STIM2: variants seen among roughly 807,000 people sequenced by gnomAD.
The protein encoded by STIM2 is stromal interaction molecule 2.
Under a neutral mutation model 85.8 loss-of-function variants are expected in STIM2, and 31 were observed. The ratio of observed to expected loss-of-function variants is 0.36; its 90% CI spans 0.27 to 0.49. STIM2 has a LOEUF of 0.49. Ranked by LOEUF, STIM2 falls within the 20% of genes least tolerant of loss-of-function variation. The pLI, the probability that STIM2 is intolerant of heterozygous loss-of-function variation, is 0.98. For synonymous variants in STIM2, 356 were observed against 331.1 expected (o/e 1.08, Z -0.82); for missense variants, 841 against 927.6 (o/e 0.91, Z 1.21).
chr4:26,873,568 G>A (rs1412350683), intron 1 of STIM2: 6 of 433,908 alleles, frequency 1.4e-5, no homozygotes, highest in Admixed American at 1.4e-4. Context: ...AGCTCATGGG[G>A]AAGCACAGAC....
chr4:26,995,794 T>A (rs968506641), intron 4 of STIM2, among the ~76,000 whole-genome samples: 5 of 152,080 alleles, frequency 3.3e-5, no homozygotes, highest in African/African-American at 9.7e-5. Flanking sequence ...TAAGAAAAAC[T>A]TTTTTATTTG....
Position 27,004,540 on chromosome 4 carries a change from T to C in STIM2, c.981+1436T>C, listed in dbSNP as rs76997038. Among the ~76,000 whole-genome samples, 784 of 152,232 alleles carry C rather than the reference T, an allele frequency of 5.2e-3. 8 individuals carry two copies. The highest frequency in any genetic ancestry group is 0.018 in the African/African-American group (761 of 41,544). On this transcript the variant is annotated intron_variant, in intron 7 of 11. Coordinates refer to ENST00000467087, the MANE Select transcript of STIM2 (RefSeq NM_020860.4). Reference sequence around the variant, plus strand: ...AAAGAGCGAATCAGAAAACAGTAGTTTGGAATTCTTCTACAGAGATATAAA... The same window carrying C: ...AAAGAGCGAATCAGAAAACAGTAGTCTGGAATTCTTCTACAGAGATATAAA...
intron 1 of STIM2, among the ~76,000 whole-genome samples, chr4:26,918,020 C>G (rs1037877580): frequency 2.0e-5 from 3 of 152,056 alleles, no homozygotes; most frequent in African/African-American, 4.8e-5. Flanking sequence ...GACTGGCGTT[C>G]CAAATATTTG....
chr4:26,942,145 A>G (rs1577452492), intron 2 of STIM2, among the ~76,000 whole-genome samples: 1 of 152,262 alleles, frequency 6.6e-6, no homozygotes, highest in South Asian at 2.1e-4. Flanking sequence ...TGTCTGTGTC[A>G]GATAACCACT....
intron 3 of STIM2, among the ~76,000 whole-genome samples, chr4:26,979,751 AT>A (rs1388230023): frequency 6.6e-6 from 1 of 152,182 alleles, no homozygotes; most frequent in Non-Finnish European, 1.5e-5. Context: ...ATTGGTAATA[AT>A]TTGGTGTTAT....
chr4:27,015,443 C>CT lies in STIM2; in HGVS notation c.1490-2260dup, dbSNP rs1204315067. On this transcript the variant is annotated intron_variant, in intron 10 of 11. Transcript: ENST00000467087. ...ATTGCATTTTGCTTGTTATTCATTTCTTTTTTTTCTTTCTTAAAAATATGT... is the reference window on the plus strand; with the variant it reads ...ATTGCATTTTGCTTGTTATTCATTTCTTTTTTTTTCTTTCTTAAAAATATGT... 2.6e-5 allele frequency among the ~76,000 whole-genome samples: 4 copies of CT among 151,062 alleles called. No individual in the cohort carries two copies. In the East Asian group the frequency reaches 8.4e-4, roughly 32 times the overall value.
At chr4:27,019,531 C>G in intron 11 of STIM2, 2 of 1,253,512 alleles carry the variant, frequency 1.6e-6, no homozygotes, top group Non-Finnish European at 2.1e-6. Flanking sequence ...GTTCAGTTCT[C>G]ATTTCAATAG....
chr4:26,921,499 A>G (rs1429056301), intron 2 of STIM2, among the ~76,000 whole-genome samples: 1 of 152,254 alleles, frequency 6.6e-6, no homozygotes, highest in East Asian at 1.9e-4. Context: ...TGAAGCGGCC[A>G]TAGACAGTAC....
At chr4:26,983,420 G>C (rs1438551401) in intron 3 of STIM2, among the ~76,000 whole-genome samples, 1 of 152,208 alleles carries the variant, frequency 6.6e-6, no homozygotes, top group Non-Finnish European at 1.5e-5. Flanking sequence ...TATACCAGCT[G>C]AAGGCCAAGT....
At chr4:26,921,072 C>T (rs903772844) in intron 2 of STIM2, among the ~76,000 whole-genome samples, 7 of 152,034 alleles carry the variant, frequency 4.6e-5, no homozygotes, top group Non-Finnish European at 8.8e-5. Flanking sequence ...TTGGGTGGGC[C>T]TGTAATTCAA....
At chr4:26,973,889 CT>C (rs1727076638) in intron 3 of STIM2, among the ~76,000 whole-genome samples, 1 of 152,182 alleles carries the variant, frequency 6.6e-6, no homozygotes, top group African/African-American at 2.4e-5. Context: ...CTTTGTAGCT[CT>C]TTAAGGACTT....
intron 3 of STIM2, among the ~76,000 whole-genome samples, chr4:26,958,601 T>TA (rs1243336093): frequency 6.6e-6 from 1 of 152,126 alleles, no homozygotes; most frequent in Non-Finnish European, 1.5e-5. Flanking sequence ...ATAGCTTGCT[T>TA]ACATGTGTTT....
chr4:26,988,558 G>A (rs1481126364), intron 3 of STIM2, among the ~76,000 whole-genome samples: 3 of 152,144 alleles, frequency 2.0e-5, no homozygotes, highest in African/African-American at 7.2e-5. Flanking sequence ...ATTTTGAAGA[G>A]GCGGTGTTCC....
intron 3 of STIM2, among the ~76,000 whole-genome samples, chr4:26,990,686 C>G (rs1727735879): frequency 6.6e-6 from 1 of 152,058 alleles, no homozygotes; most frequent in African/African-American, 2.4e-5. Context: ...TGCAAACTAT[C>G]CTTCTGACAA....
rs897845347 is a variant in STIM2 at position 26,890,851 on chromosome 4, A to G, written c.152-28653A>G. On this transcript the variant is annotated intron_variant, in intron 1 of 11. Coordinates refer to ENST00000467087, the MANE Select transcript of STIM2 (RefSeq NM_020860.4). ...AAAAAAAAAAAAAAAAAAGGAGAGT[A>G]CTTTTCCAGAGAGGATGGCAGAGCT... 4.6e-5 allele frequency among the ~76,000 whole-genome samples: 7 copies of G among 150,878 alleles called. No individual in the cohort carries two copies. The East Asian group carries it at 1.4e-3, about 29-fold the overall frequency.
chr4:26,899,758 AT>A (rs1285352602), intron 1 of STIM2, among the ~76,000 whole-genome samples: 1 of 152,246 alleles, frequency 6.6e-6, no homozygotes, highest in Non-Finnish European at 1.5e-5. Flanking sequence ...TATTTAGCAT[AT>A]TGAATAAAAT....
chr4:26,974,276 A>G (rs1727094843), intron 3 of STIM2, among the ~76,000 whole-genome samples: 1 of 152,138 alleles, frequency 6.6e-6, no homozygotes, highest in South Asian at 2.1e-4. Context: ...TCCTTTCATT[A>G]TGATGTTTGC....
At chr4:26,932,346 G>A (rs2109075282) in intron 2 of STIM2, among the ~76,000 whole-genome samples, 1 of 152,272 alleles carries the variant, frequency 6.6e-6, no homozygotes, top group African/African-American at 2.4e-5. Flanking sequence ...TTGGCATAAT[G>A]TAAGTGGTCA....
At chr4:26,974,844 G>T (rs755464420) in intron 3 of STIM2, among the ~76,000 whole-genome samples, 12 of 152,090 alleles carry the variant, frequency 7.9e-5, no homozygotes, top group Non-Finnish European at 1.3e-4. Context: ...TCCAACTTGG[G>T]TCCATTCCCC....
Sources: allele counts gnomAD v4.1 joint callset (sites outside exome capture counted in the v4.1 genomes callset), GRCh38; gene constraint gnomAD v4.1.1; transcripts MANE v1.5; gene names NCBI Gene and HGNC (gene_info 2026-07-23, HGNC 2026-07-21).